The following STX8 variants were observed in gnomAD, a reference collection of about 807,000 sequenced individuals.
STX8 encodes syntaxin-8.
Under a neutral mutation model 37.5 loss-of-function variants are expected in STX8, and 23 were observed. The ratio of observed to expected loss-of-function variants is 0.61; its 90% CI spans 0.44 to 0.87. STX8 has a LOEUF of 0.87. STX8 is among the 40% of genes least tolerant of loss of function. The pLI, the probability that STX8 is intolerant of heterozygous loss-of-function variation, is 0.00. For synonymous variants in STX8, 115 were observed against 99.1 expected, an observed-to-expected ratio of 1.16 and a Z score of -0.95; for missense variants, 313 against 284.7, an observed-to-expected ratio of 1.10 and a Z score of -0.71.
At chr17:9,425,761 C>T (rs12950563) in intron 6 of STX8, among the ~76,000 whole-genome samples, 86,443 of 152,076 alleles carry the variant, frequency 0.57, 26,390 homozygotes, top group African/African-American at 0.79. Flanking sequence ...CTACTAAGCA[C>T]GGACGACAAT....
At chr17:9,489,049 G>C (rs1906735215) in intron 6 of STX8, among the ~76,000 whole-genome samples, 1 of 152,082 alleles carries the variant, frequency 6.6e-6, no homozygotes, top group Admixed American at 6.5e-5. Context: ...GCTAATTTTT[G>C]TATGTTTAGT....
intron 4 of STX8, among the ~76,000 whole-genome samples, chr17:9,527,370 G>A (rs1905621329): frequency 6.6e-6 from 1 of 151,918 alleles, no homozygotes; most frequent in African/African-American, 2.4e-5. Flanking sequence ...CTTGAGCCCA[G>A]GAGTTGCAGG....
intron 3 of STX8, among the ~76,000 whole-genome samples, chr17:9,550,499 G>C (rs1220490288): frequency 6.6e-6 from 1 of 151,758 alleles, no homozygotes; most frequent in Non-Finnish European, 1.5e-5. Context: ...GCGTGAACCC[G>C]GGAGGTGGAG....
chr17:9,303,736 A>G (rs1175662228), intron 7 of STX8, among the ~76,000 whole-genome samples: 2 of 152,212 alleles, frequency 1.3e-5, no homozygotes, highest in African/African-American at 4.8e-5. Flanking sequence ...ATAAATGCTA[A>G]TGGAACAACT....
chr17:9,381,162 C>T (rs565270584), intron 6 of STX8, among the ~76,000 whole-genome samples: 1 of 152,180 alleles, frequency 6.6e-6, no homozygotes, highest in East Asian at 1.9e-4. Context: ...CCATGATGTT[C>T]GCACAATGAG....
At chr17:9,353,118 T>TA (rs1910765748) in intron 7 of STX8, among the ~76,000 whole-genome samples, 2 of 152,044 alleles carry the variant, frequency 1.3e-5, no homozygotes, top group Admixed American at 1.3e-4. Context: ...AGACTGGCCT[T>TA]AAACTCCTGG....
At chr17:9,389,416 T>C (rs1912131034) in intron 6 of STX8, among the ~76,000 whole-genome samples, 1 of 152,254 alleles carries the variant, frequency 6.6e-6, no homozygotes, top group Non-Finnish European at 1.5e-5. Flanking sequence ...TGCATTTGGT[T>C]TCACGAAGGA....
At chr17:9,465,670 A>G (rs1905581076) in intron 6 of STX8, among the ~76,000 whole-genome samples, 1 of 152,214 alleles carries the variant, frequency 6.6e-6, no homozygotes, top group Non-Finnish European at 1.5e-5. Context: ...CAGAGTATGA[A>G]AAACTGAACA....
At chr17:9,286,086 T>G (rs1402231464) in intron 7 of STX8, among the ~76,000 whole-genome samples, 2 of 152,136 alleles carry the variant, frequency 1.3e-5, no homozygotes, top group Non-Finnish European at 2.9e-5. Flanking sequence ...AAAACTCAAC[T>G]TGAATGCTTC....
intron 6 of STX8, among the ~76,000 whole-genome samples, chr17:9,379,833 T>A (rs2142286142): frequency 6.6e-6 from 1 of 152,160 alleles, no homozygotes; most frequent in Non-Finnish European, 1.5e-5. Flanking sequence ...TCGGTCATGG[T>A]GGCGCATGCC....
intron 7 of STX8, among the ~76,000 whole-genome samples, chr17:9,355,034 T>C (rs915937635): frequency 3.3e-5 from 5 of 152,182 alleles, no homozygotes; most frequent in African/African-American, 7.2e-5. Flanking sequence ...TGTTGTCCCC[T>C]ACCTCCCACC....
chr17:9,441,335 C>T (rs1457621585), intron 6 of STX8, among the ~76,000 whole-genome samples: 1 of 151,640 alleles, frequency 6.6e-6, no homozygotes, highest in Non-Finnish European at 1.5e-5. Flanking sequence ...ACTAAAAATA[C>T]AAAAATTAGC....
intron 7 of STX8, among the ~76,000 whole-genome samples, chr17:9,268,107 C>T (rs1907296375): frequency 6.6e-6 from 1 of 152,072 alleles, no homozygotes; most frequent in South Asian, 2.1e-4. Context: ...CATATGCTCT[C>T]CTCTCTAGGC....
At chr17:9,476,904 G>C (rs1906130339) in intron 6 of STX8, among the ~76,000 whole-genome samples, 1 of 152,044 alleles carries the variant, frequency 6.6e-6, no homozygotes, top group Non-Finnish European at 1.5e-5. Flanking sequence ...GGAGCACAGT[G>C]GTGCAATCAT....
chr17:9,269,173 C>T (rs932924214), intron 7 of STX8, among the ~76,000 whole-genome samples: 1 of 140,324 alleles, frequency 7.1e-6, no homozygotes, highest in Non-Finnish European at 1.5e-5. Flanking sequence ...GGCGATAGAG[C>T]AAGACTCCGT....
intron 4 of STX8, among the ~76,000 whole-genome samples, chr17:9,533,227 G>A (rs891741143): frequency 1.3e-5 from 2 of 152,146 alleles, no homozygotes; most frequent in African/African-American, 4.8e-5. Context: ...CACGGCTTTC[G>A]GTGGCCGAGG....
chr17:9,561,470 C>A (rs1299781372), intron 2 of STX8, among the ~76,000 whole-genome samples: 1 of 151,908 alleles, frequency 6.6e-6, no homozygotes, highest in East Asian at 1.9e-4. Flanking sequence ...ACCAGCCTAG[C>A]CAACATGGTG....
At chr17:9,470,794 T>G (rs1445248843) in intron 6 of STX8, among the ~76,000 whole-genome samples, 3 of 152,044 alleles carry the variant, frequency 2.0e-5, no homozygotes, top group African/African-American at 7.2e-5. Context: ...TGGCACAATC[T>G]CGGCTCACTG....
intron 3 of STX8, among the ~76,000 whole-genome samples, chr17:9,546,977 G>C (rs553358931): frequency 1.3e-5 from 2 of 151,672 alleles, no homozygotes; most frequent in South Asian, 4.2e-4. Context: ...GGCTGGACGC[G>C]GTGGCTCAAC....
Sources: gnomAD v4.1 joint callset for allele counts (sites outside exome capture counted in the v4.1 genomes callset) on GRCh38, gnomAD v4.1.1 for gene constraint, MANE v1.5 for transcripts, NCBI Gene and HGNC (gene_info 2026-07-23, HGNC 2026-07-21) for gene names.